The following LRRC63 variants were observed in gnomAD, a reference collection of about 807,000 sequenced individuals.
LRRC63 encodes the protein leucine rich repeat containing 63.
In LRRC63, 40 loss-of-function variants were observed where a neutral mutation model predicts 49.5. The observed-to-expected ratio is 0.81, with a 90% CI of 0.63 to 1.05. The LOEUF (loss-of-function observed/expected upper bound fraction) is 1.05, where lower values mean the gene tolerates loss of function less well. LRRC63 is among the 50% of genes least tolerant of loss of function. The pLI is 0.00. For missense variants in LRRC63, 636 were observed against 663.1 expected (o/e 0.96, Z 0.45); for synonymous variants, 191 against 221.1 (o/e 0.86, Z 1.21).
At chr13:46,214,444 A>G (rs551209949) in intron 2 of LRRC63, among the ~76,000 whole-genome samples, 5 of 152,152 alleles carry the variant, frequency 3.3e-5, no homozygotes, top group Non-Finnish European at 7.4e-5. Flanking sequence ...GCTCAAGGTT[A>G]CCAGTTATCT....
intron 5 of LRRC63, among the ~76,000 whole-genome samples, chr13:46,235,177 A>C (rs2046869495): frequency 1.3e-5 from 2 of 152,164 alleles, no homozygotes; most frequent in African/African-American, 4.8e-5. Flanking sequence ...GGCCTGGCTA[A>C]GCATTGAAGG....
rs547542067 is a variant in LRRC63, at chr13:46,230,999, A to C, written c.832+2266A>C. Among the ~76,000 whole-genome samples, 12 of 152,362 alleles carry C rather than the reference A, an allele frequency of 7.9e-5. No homozygotes were observed. The East Asian group carries it at 2.3e-3, about 29-fold the overall frequency. On this transcript the variant is annotated intron_variant, in intron 4 of 9. Coordinates refer to ENST00000595396, the Ensembl canonical transcript of LRRC63. Reference sequence around the variant, plus strand: ...TTAGCCAAGCTCTTTGCTAAGGTGTAACATGGGTGACTTTTGCTCCAGTTT... The same window carrying C: ...TTAGCCAAGCTCTTTGCTAAGGTGTCACATGGGTGACTTTTGCTCCAGTTT...
chr13:46,271,133 A>T (rs1458852428), intron 9 of LRRC63, among the ~76,000 whole-genome samples: 1 of 152,316 alleles, frequency 6.6e-6, no homozygotes, highest in East Asian at 1.9e-4. Flanking sequence ...CTCAGTTTCC[A>T]AAGAGCCGAC....
intron 6 of LRRC63, chr13:46,250,143 C>T: frequency 2.7e-6 from 1 of 366,776 alleles, no homozygotes; most frequent in South Asian, 4.5e-5. Flanking sequence ...TGTATGAGTA[C>T]AGTGGTTGCA....
At chr13:46,251,423 A>G (rs1361199253) in intron 7 of LRRC63, among the ~76,000 whole-genome samples, 1 of 151,938 alleles carries the variant, frequency 6.6e-6, no homozygotes, top group African/African-American at 2.4e-5. Context: ...AATGTTACAT[A>G]TGGGTATTTT....
intron 7 of LRRC63, 125 bp downstream of exon 7, chr13:46,250,616 T>C (rs2047353236): frequency 1.3e-6 from 1 of 745,212 alleles, no homozygotes; most frequent in South Asian, 2.0e-5. Flanking sequence ...CTATTCTAAT[T>C]AGCTAATACG....
chr13:46,256,060 C>T (rs924993805), intron 7 of LRRC63, among the ~76,000 whole-genome samples: 1 of 152,136 alleles, frequency 6.6e-6, no homozygotes, highest in African/African-American at 2.4e-5. Flanking sequence ...TAATGATGAC[C>T]TCATGTCACA....
At chr13:46,276,827 TG>T in exon 10 of LRRC63, 1 of 148,254 alleles carries the variant, frequency 6.7e-6, no homozygotes, top group Non-Finnish European at 1.1e-5. Context: ...CGTATGTGTG[TG>T]TATATATATA....
chr13:46,246,573 A>T, exon 6 of LRRC63: 3 of 1,468,772 alleles, frequency 2.0e-6, no homozygotes, highest in Non-Finnish European at 2.7e-6. Flanking sequence ...TTGGCTTTCC[A>T]GTTGATATAT....
intron 9 of LRRC63, 43 bp from the exon 10 acceptor site, chr13:46,276,547 T>A: frequency 9.8e-7 from 1 of 1,020,794 alleles, no homozygotes; most frequent in Non-Finnish European, 1.3e-6. Flanking sequence ...GAGTCTTTAG[T>A]AAAAATTTAT....
Position 46,266,495 on chromosome 13 carries a change from A to G in LRRC63, c.1311-238A>G, listed in dbSNP as rs966409914. On this transcript the variant is annotated intron_variant, in intron 8 of 9. Transcript: ENST00000595396. ...TCCATAGTGATGACATATTGCAAAAATCCAAACTATGTACTTAAACCGTGC... is the reference window on the plus strand; with the variant it reads ...TCCATAGTGATGACATATTGCAAAAGTCCAAACTATGTACTTAAACCGTGC... Among the ~76,000 whole-genome samples the G allele has an allele frequency of 4.6e-5, 7 of 152,340 alleles. No homozygotes were observed. The East Asian group carries it at 1.2e-3, about 25-fold the overall frequency.
At chr13:46,275,327 A>G (rs1391659482) in intron 9 of LRRC63, among the ~76,000 whole-genome samples, 1 of 152,180 alleles carries the variant, frequency 6.6e-6, no homozygotes, top group African/African-American at 2.4e-5. Context: ...TTTGCTTTGG[A>G]TAAATACCCA....
intron 5 of LRRC63, among the ~76,000 whole-genome samples, chr13:46,237,409 AT>A: frequency 6.6e-6 from 1 of 152,344 alleles, no homozygotes; most frequent in Middle Eastern, 3.4e-3. Flanking sequence ...TGGTTCATTG[AT>A]TGTAACAAAT....
At chr13:46,234,471 T>A in intron 5 of LRRC63, 122 bp downstream of exon 5, 1 of 905,884 alleles carries the variant, frequency 1.1e-6, no homozygotes, top group Non-Finnish European at 1.6e-6. Flanking sequence ...AATAGAGATT[T>A]CTTAGGAACA....
rs919748909 is a variant in LRRC63 at position 46,234,269 on chromosome 13, C to A, written c.910C>A (p.Arg304=). 5.2e-6 allele frequency: 8 copies of A among 1,550,124 alleles called. No homozygotes were observed. The South Asian group carries it at 8.3e-5, about 16-fold the overall frequency. ...AGGTTTTAAGACTGTTGCAGCAACACGATATGAAACAATAACAGCCATGAC... is the reference window on the plus strand; with the variant it reads ...AGGTTTTAAGACTGTTGCAGCAACAAGATATGAAACAATAACAGCCATGAC... The change falls in exon 5 of 10, where the codon CGA becomes AGA. Residue 304 remains arginine, a synonymous_variant. Transcript: ENST00000595396.
rs553434605 is a variant in LRRC63 at position 46,237,863 on chromosome 13, A to G, written c.990+3514A>G. 7.2e-5 allele frequency among the ~76,000 whole-genome samples: 11 copies of G among 152,276 alleles called. No individual in the cohort carries two copies. The East Asian group carries it at 1.9e-3, about 27-fold the overall frequency. ...ACCTAGATAAAATGGAAACATTTCC[A>G]GAAAAACACAAATTACCAAAACAGA... On this transcript the variant is annotated intron_variant, in intron 5 of 9. Coordinates refer to ENST00000595396, the Ensembl canonical transcript of LRRC63.
rs1375824559 is a variant in LRRC63 at position 46,258,537 on chromosome 13, T to TGC, written c.1227-3371_1227-3370insCG. Among the ~76,000 whole-genome samples, 221 of 149,992 alleles carry TGC rather than the reference T, an allele frequency of 1.5e-3. 2 individuals carry two copies. The highest frequency in any genetic ancestry group is 7.3e-3 in the East Asian group (36 of 4,964). ...GAAAATCTTGTAAATTGGCTGGGCATGGTGGCTCACGCCTGTAATCCCAGC... is the reference window on the plus strand; with the variant it reads ...GAAAATCTTGTAAATTGGCTGGGCATGCGGTGGCTCACGCCTGTAATCCCAGC... On this transcript the variant is annotated intron_variant, in intron 7 of 9. Transcript: ENST00000595396.
intron 9 of LRRC63, among the ~76,000 whole-genome samples, chr13:46,268,373 A>C (rs1159706599): frequency 6.6e-6 from 1 of 152,188 alleles, no homozygotes; most frequent in Non-Finnish European, 1.5e-5. Context: ...AACAGAGAGA[A>C]TGGTGGGAGT....
chr13:46,261,899 T>C lies in LRRC63; in HGVS notation c.1227-10T>C. ...TCATTTCTACAATTAATTTTCTCTTTCTATTTAAGGTTATTTTCCTTGTCT... is the reference window on the plus strand; with the variant it reads ...TCATTTCTACAATTAATTTTCTCTTCCTATTTAAGGTTATTTTCCTTGTCT... On this transcript the variant is annotated splice_polypyrimidine_tract_variant and intron_variant, in intron 7 of 9. Transcript: ENST00000595396. The C allele has an allele frequency of 1.1e-6, 1 of 908,774 alleles. No individual in the cohort carries two copies. Among genetic ancestry groups the C allele is most frequent in the Non-Finnish European group, 1.5e-6 (1 of 676,080 alleles). 56.3% of individuals were successfully genotyped at this position (908,774 alleles called of 1,614,324 possible).
Sources: allele counts gnomAD v4.1 joint callset (sites outside exome capture counted in the v4.1 genomes callset), GRCh38; gene constraint gnomAD v4.1.1; transcripts MANE v1.5; gene names NCBI Gene and HGNC (gene_info 2026-07-23, HGNC 2026-07-21).